KCNA2: variants seen among roughly 807,000 people sequenced by gnomAD.
KCNA2 encodes potassium channel, voltage gated shaker related subfamily A, member 2.
KCNA2 carries 11 observed loss-of-function variants against 33.4 expected under a neutral mutation model. The ratio of observed to expected loss-of-function variants is 0.33; its 90% CI spans 0.21 to 0.55. The LOEUF is 0.55. Ranked by LOEUF, KCNA2 falls within the 20% of genes least tolerant of loss-of-function variation. The probability of loss-of-function intolerance (pLI) is 0.93; values close to 1 mark genes in which losing one functional copy is unlikely to be tolerated. For synonymous variants in KCNA2, 222 were observed against 231.3 expected (o/e 0.96, Z 0.37); for missense variants, 291 against 621.6 (o/e 0.47, Z 5.66).
At chr1:110,626,803 C>T (rs560682436) in intron 1 of KCNA2, among the ~76,000 whole-genome samples, 15 of 152,232 alleles carry the variant, frequency 9.9e-5, no homozygotes, top group Admixed American at 5.9e-4. Context: ...GTTCTGGTTC[C>T]GTGACAACAC....
At chr1:110,612,332 C>A (rs979052800) in intron 1 of KCNA2, among the ~76,000 whole-genome samples, 2 of 152,184 alleles carry the variant, frequency 1.3e-5, no homozygotes, top group African/African-American at 4.8e-5. Flanking sequence ...TATGGTAGAG[C>A]CTTTTGCCCT....
At position 110,597,251 on chromosome 1, in the gene KCNA2, G is replaced by T. The variant is rs999821115; in HGVS notation, c.*6032C>A. On this transcript the variant is annotated 3_prime_UTR_variant, in exon 3 of 3. Transcript: ENST00000316361. ...CGTCTCCCTGGGGAAGGGAGAAGGG[G>T]AAGCAAAAGGATCAAGTAATGGCTT... 4.1e-5 allele frequency: 40 copies of T among 985,338 alleles called. No homozygotes were observed. The African/African-American group carries it at 6.6e-4, about 16-fold the overall frequency. The allele number at this position is 985,338 out of a possible 1,614,324, so 61.0% of individuals were successfully genotyped here.
chr1:110,601,805 T>TGC lies in KCNA2; in HGVS notation c.*1477_*1478insGC, dbSNP rs1649362566. 2 of 1,256,228 alleles carry TGC rather than the reference T, an allele frequency of 1.6e-6. No homozygotes were observed. Among genetic ancestry groups the TGC allele is most frequent in the Non-Finnish European group, 2.0e-6 (2 of 1,002,754 alleles). 77.8% of individuals were successfully genotyped at this position (1,256,228 alleles called of 1,614,324 possible). A position where few individuals can be genotyped will look rare whatever the true frequency, so the allele number is the denominator to read the frequency against. ...ATATATATATATATATGTGTGTGTG[T>TGC]GTGTGTGTGTGTGTGTGTGTGTGTA... On this transcript the variant is annotated 3_prime_UTR_variant, in exon 3 of 3. Transcript: ENST00000316361.
rs146756985 is a variant in KCNA2, at chr1:110,617,442, G to A, written c.-495-11720C>T. ...GAGGAGTTCAGGTTGTCCTGTAGGTGATAGGGAGCCATTGAGAGTTCTGAG... is the reference window on the plus strand; with the variant it reads ...GAGGAGTTCAGGTTGTCCTGTAGGTAATAGGGAGCCATTGAGAGTTCTGAG... On this transcript the variant is annotated intron_variant, in intron 1 of 4. Coordinates refer to the KCNA2 transcript ENST00000369770. 3.3e-3 allele frequency among the ~76,000 whole-genome samples: 499 copies of A among 152,322 alleles called. 14 individuals are homozygous for A. The highest frequency in any genetic ancestry group is 7.5e-4 in the Non-Finnish European group (51 of 68,028).
Position 110,595,139 on chromosome 1 carries a change from A to G in KCNA2, c.*8144T>C, listed in dbSNP as rs1649042500. The G allele has an allele frequency of 3.0e-6, 3 of 985,262 alleles. No homozygotes were observed. The highest frequency in any genetic ancestry group is 3.5e-5 in the African/African-American group (2 of 57,212). 61.0% of individuals were successfully genotyped at this position (985,262 alleles called of 1,614,324 possible). ...CTACCAAGGGTCCTAGCACACAGCC[A>G]CATCTACACTGCCCTCAATGATCTA... On this transcript the variant is annotated 3_prime_UTR_variant, in exon 3 of 3. Transcript: ENST00000316361.
At chr1:110,621,373 T>A (rs1432995348) in intron 1 of KCNA2, among the ~76,000 whole-genome samples, 1 of 152,050 alleles carries the variant, frequency 6.6e-6, no homozygotes, top group Non-Finnish European at 1.5e-5. Context: ...CATGGCAGAG[T>A]GAAGATAAAA....
intron 1 of KCNA2, among the ~76,000 whole-genome samples, chr1:110,612,650 A>C (rs1379531640): frequency 6.6e-6 from 1 of 152,100 alleles, no homozygotes; most frequent in Non-Finnish European, 1.5e-5. Context: ...TCTTCTCCCC[A>C]CAGTTGCTAT....
At chr1:110,607,780 A>C (rs1416516442), upstream of KCNA2, 1 of 152,042 alleles carries the variant, frequency 6.6e-6, no homozygotes, top group African/African-American at 2.4e-5. Flanking sequence ...ACGTGTTGCT[A>C]TTATTGTGGT....
In KCNA2 at chr1:110,603,715, G is replaced by C. The variant is rs1301219917; in HGVS notation, c.1068C>G (p.Ser356=). Residue 356 remains serine (S), a synonymous_variant, in exon 3 of 3, where the codon TCC becomes TCG. Coordinates refer to ENST00000316361, the MANE Select transcript of KCNA2 (RefSeq NM_004974.4). The surrounding 1 kb of genome is among the most constrained non-coding windows in gnomAD (Gnocchi z 5.7). ...AGGCATCTGGGATGCTGGGGAACTGGGACTCTCGCTCATCGGCCTCTGCAA... is the reference window on the plus strand; with the variant it reads ...AGGCATCTGGGATGCTGGGGAACTGCGACTCTCGCTCATCGGCCTCTGCAA... ...VYFAEADERE[S]QFPSIPDAFW... is the part of the protein sequence containing the mutation. 2 of 1,613,964 alleles carry C rather than the reference G, an allele frequency of 1.2e-6. No individual in the cohort carries two copies. The highest frequency in any genetic ancestry group is 1.3e-5 in the African/African-American group (1 of 74,994).
chr1:110,604,838 G>T lies in KCNA2; in HGVS notation c.-56C>A. Reference sequence around the variant, plus strand: ...TGCCTTTCAGCTGCCTGGTGGCAGGGAGCTCAGGGTGCTGCTACTGGCCCC... The same window carrying T: ...TGCCTTTCAGCTGCCTGGTGGCAGGTAGCTCAGGGTGCTGCTACTGGCCCC... On this transcript the variant is annotated 5_prime_UTR_variant, in exon 3 of 3. Coordinates refer to ENST00000316361, the MANE Select transcript of KCNA2 (RefSeq NM_004974.4). This position sits in a 1 kb window ranked among gnomAD's most constrained non-coding sequence, Gnocchi z 7.6. 1 of 1,514,570 alleles carries T rather than the reference G, an allele frequency of 6.6e-7. No homozygotes were observed. Among genetic ancestry groups the T allele is most frequent in the Non-Finnish European group, 9.0e-7 (1 of 1,114,892 alleles). The allele number at this position is 1,514,570 out of a possible 1,614,324, so 93.8% of individuals were successfully genotyped here. A position where few individuals can be genotyped will look rare whatever the true frequency, so the allele number is the denominator to read the frequency against.
At position 110,627,038 on chromosome 1, in the gene KCNA2, G is replaced by A. The variant is rs142277433; in HGVS notation, c.-496+4357C>T. 9.9e-5 allele frequency among the ~76,000 whole-genome samples: 15 copies of A among 152,258 alleles called. No homozygotes were observed. The East Asian group carries it at 2.3e-3, about 23-fold the overall frequency. ...TTATTGCATCTCATTTAATCTTACC[G>A]TCAACCACGTGAAGGAGGAATTGCT... is the stretch of plus-strand genomic sequence containing the variant. On this transcript the variant is annotated intron_variant, in intron 1 of 4. Transcript: ENST00000369770.
chr1:110,628,780 G>A (rs942981977), intron 1 of KCNA2, among the ~76,000 whole-genome samples: 1 of 152,194 alleles, frequency 6.6e-6, no homozygotes, highest in Non-Finnish European at 1.5e-5. Flanking sequence ...CAATCCCACA[G>A]AATTCGTCTG....
chr1:110,599,702 C>G lies in KCNA2; in HGVS notation c.*3581G>C. 4.1e-6 allele frequency: 4 copies of G among 985,374 alleles called. No individual in the cohort carries two copies. Among genetic ancestry groups the G allele is most frequent in the Non-Finnish European group, 4.8e-6 (4 of 829,916 alleles). 61.0% of individuals were successfully genotyped at this position (985,374 alleles called of 1,614,324 possible). A position where few individuals can be genotyped will look rare whatever the true frequency, so the allele number is the denominator to read the frequency against. On this transcript the variant is annotated 3_prime_UTR_variant, in exon 3 of 3. Transcript: ENST00000316361. ...TAGAGAATGTTGGGGACATCTTTAC[C>G]CTGGTCCTGGGCTCAAGATCCTGCA...
Position 110,628,273 on chromosome 1 carries a change from G to T in KCNA2, c.-496+3122C>A, listed in dbSNP as rs114321953. ...TGACTGGGAGTTTGCATCCAGTTTT[G>T]ATCCATGGACTTTATAAAAAGAGGG... On this transcript the variant is annotated intron_variant, in intron 1 of 4. Coordinates refer to the KCNA2 transcript ENST00000369770. 5.8e-3 allele frequency among the ~76,000 whole-genome samples: 875 copies of T among 152,172 alleles called. 12 individuals are homozygous for T. Among genetic ancestry groups the T allele is most frequent in the African/African-American group, 0.02 (818 of 41,466 alleles).
Position 110,599,571 on chromosome 1 carries a change from G to C in KCNA2, c.*3712C>G. ...AGAGCAAGTGAAATGCCACAAGCAA[G>C]TAAAGGTGGCTCATTTTAAGAGACA... On this transcript the variant is annotated 3_prime_UTR_variant, in exon 3 of 3. Coordinates refer to ENST00000316361, the MANE Select transcript of KCNA2 (RefSeq NM_004974.4). 4 of 985,448 alleles carry C rather than the reference G, an allele frequency of 4.1e-6. No homozygotes were observed. The highest frequency in any genetic ancestry group is 4.8e-6 in the Non-Finnish European group (4 of 829,942). The allele number at this position is 985,448 out of a possible 1,614,324, so 61.0% of individuals were successfully genotyped here.
At position 110,593,759 on chromosome 1, in the gene KCNA2, G is replaced by T; in HGVS notation, c.*9524C>A. 1 of 1,066,170 alleles carries T rather than the reference G, an allele frequency of 9.4e-7. No homozygotes were observed. The highest frequency in any genetic ancestry group is 1.3e-6 in the Non-Finnish European group (1 of 747,338). 66.0% of individuals were successfully genotyped at this position (1,066,170 alleles called of 1,614,324 possible). A position where few individuals can be genotyped will look rare whatever the true frequency, so the allele number is the denominator to read the frequency against. On this transcript the variant is annotated 3_prime_UTR_variant, in exon 3 of 3. Transcript: ENST00000316361. ...AGGCAATGTTCATTGAGGCACATAT[G>T]TACACATATATGTATAACCTATGTA...
chr1:110,609,800 T>G (rs1177658316), upstream of KCNA2, among the ~76,000 whole-genome samples: 1 of 152,184 alleles, frequency 6.6e-6, no homozygotes, highest in Non-Finnish European at 1.5e-5. Flanking sequence ...TGTCAGTACC[T>G]TGGTTTGGCA....
intron 1 of KCNA2, among the ~76,000 whole-genome samples, chr1:110,618,073 G>T (rs530517464): frequency 6.6e-6 from 1 of 152,178 alleles, no homozygotes; most frequent in East Asian, 1.9e-4. Flanking sequence ...TGGGTGCGGC[G>T]GCTCATGCCT....
rs1333219219 is a variant in KCNA2 at position 110,600,196 on chromosome 1, A to C, written c.*3087T>G. 2.0e-6 allele frequency: 2 copies of C among 981,208 alleles called. No individual in the cohort carries two copies. The highest frequency in any genetic ancestry group is 3.6e-5 in the African/African-American group (2 of 55,666). 60.8% of individuals were successfully genotyped at this position (981,208 alleles called of 1,614,324 possible). On this transcript the variant is annotated 3_prime_UTR_variant, in exon 3 of 3. Transcript: ENST00000316361. ...GCAATGGGTCTGAGTATATGTCTGC[A>C]TTTCATGTGTATTGTGCGATATTTT...
Sources: allele counts gnomAD v4.1 joint callset (sites outside exome capture counted in the v4.1 genomes callset), GRCh38; gene constraint gnomAD v4.1.1; non-coding constraint Gnocchi (gnomAD v3.1); transcripts MANE v1.5; gene names NCBI Gene and HGNC (gene_info 2026-07-23, HGNC 2026-07-21).